The following DIP2A variants were observed in gnomAD, a reference collection of about 807,000 sequenced individuals.
The protein encoded by DIP2A is DIP2 acetate--CoA ligase A.
A neutral mutation model predicts 177.4 loss-of-function variants in DIP2A; 85 were observed. The observed-to-expected ratio is 0.48, with a 90% CI of 0.40 to 0.57. The LOEUF (loss-of-function observed/expected upper bound fraction) is 0.57. Ranked by LOEUF, DIP2A falls within the 20% of genes least tolerant of loss-of-function variation. DIP2A has a pLI of 0.00. For missense variants in DIP2A, 1,791 were observed against 2,100.2 expected (o/e 0.85, Z 2.88); for synonymous variants, 886 against 881.8 (o/e 1.00, Z -0.08).
rs908874304 is a variant in DIP2A at position 46,550,455 on chromosome 21, T to C, written c.2638-88T>C. On this transcript the variant is annotated intron_variant, in intron 22 of 37. Transcript: ENST00000417564. The stretch of plus-strand genomic sequence containing the variant: ...TCCATTTCCTGGCCTGGGGAACAGG[T>C]CCACAGAGGGGATGTTCCTGTCCCC... 7 of 1,288,962 alleles carry C rather than the reference T, an allele frequency of 5.4e-6. No homozygotes were observed. In the African/African-American group the frequency reaches 7.4e-5, roughly 14 times the overall value. The allele number at this position is 1,288,962 out of a possible 1,614,324, so 79.8% of individuals were successfully genotyped here. A position where few individuals can be genotyped will look rare whatever the true frequency, so the allele number is the denominator to read the frequency against.
In DIP2A at chr21:46,556,954, A is replaced by G. The variant is rs765801778; in HGVS notation, c.3514A>G (p.Thr1172Ala). 1.8e-5 allele frequency: 28 copies of G among 1,575,982 alleles called. 1 individual carries two copies. In the South Asian group the frequency reaches 2.4e-4, roughly 14 times the overall value. ...LAGVKMSHAA[T>A]SALCRSIKLQ... is the part of the protein sequence containing the mutation. The stretch of plus-strand genomic sequence containing the variant: ...TACTCTTAAGATGTCGCACGCGGCC[A>G]CAAGCGCCTTATGCCGCTCCATAAA... Residue 1172 changes from threonine to alanine, a missense_variant, in exon 30 of 38, where the codon ACA (threonine) becomes GCA (alanine). Physicochemically the swap from Thr to Ala is moderately conservative, Grantham distance 58 (BLOSUM62 0). Transcript: ENST00000417564. This position sits in a 1 kb window ranked among gnomAD's most constrained non-coding sequence, Gnocchi z 4.5.
intron 21 of DIP2A, among the ~76,000 whole-genome samples, chr21:46,549,103 C>G (rs1404119001): frequency 6.6e-6 from 1 of 152,096 alleles, no homozygotes; most frequent in Non-Finnish European, 1.5e-5. Flanking sequence ...GAACTCAGTA[C>G]TAGGTGAGGT....
chr21:46,547,729 G>C (rs916164681), intron 21 of DIP2A, among the ~76,000 whole-genome samples: 2 of 135,840 alleles, frequency 1.5e-5, no homozygotes, highest in Non-Finnish European at 3.1e-5. Context: ...GAGTGCAGTA[G>C]TGTGACCATA....
Position 46,556,301 on chromosome 21 carries a change from G to A in DIP2A, c.3498+210G>A. 6.6e-7 allele frequency: 1 copy of A among 1,511,454 alleles called. No homozygotes were observed. The highest frequency in any genetic ancestry group is 8.9e-7 in the Non-Finnish European group (1 of 1,120,966). 93.6% of individuals were successfully genotyped at this position (1,511,454 alleles called of 1,614,324 possible). ...GCGTTTTCTGATGCATTATGGTTAT[G>A]TCTAAACTTTCTGATTTATGACTGT... On this transcript the variant is annotated intron_variant, in intron 29 of 37. Transcript: ENST00000417564. This position sits in a 1 kb window ranked among gnomAD's most constrained non-coding sequence, Gnocchi z 4.5.
In DIP2A at chr21:46,566,583, G is replaced by A. The variant is rs200244740; in HGVS notation, c.4363G>A (p.Val1455Ile). 665 of 1,614,008 alleles carry A rather than the reference G, an allele frequency of 4.1e-4. 1 individual carries two copies. Among genetic ancestry groups the A allele is most frequent in the Non-Finnish European group, 4.0e-4 (470 of 1,179,990 alleles). ...SGGRHDALYV[V>I]GSLDETLELR... The stretch of plus-strand genomic sequence containing the variant: ...AGGGCGGCACGATGCACTGTATGTG[G>A]TTGGGTCTCTGGATGAAACTCTGGA... Residue 1455 changes from valine (V) to isoleucine (I), a missense_variant, in exon 37 of 38, where the codon GTT (valine) becomes ATT (isoleucine). Coordinates refer to ENST00000417564, the MANE Select transcript of DIP2A (RefSeq NM_015151.4).
chr21:46,576,586 CAT>C, the DIP2A span, among the ~76,000 whole-genome samples: 14,685 of 152,138 alleles, frequency 0.097, 928 homozygotes, highest in East Asian at 0.34. Context: ...AATGAACATA[CAT>C]GTGCATATAT....
At chr21:46,579,021 C>T in the DIP2A span, among the ~76,000 whole-genome samples, 1 of 152,144 alleles carries the variant, frequency 6.6e-6, no homozygotes, top group Non-Finnish European at 1.5e-5. Flanking sequence ...GGAATAGTTT[C>T]AGAAGAAATG....
Position 46,568,551 on chromosome 21 carries a change from AG to A in DIP2A, c.*930del, listed in dbSNP as rs2060896854. ...ACAAAAAAGAGGTGTGCTGCTTGTCAGCATGTATTGTCACGGACACTCAATA... is the reference window on the plus strand; with the variant it reads ...ACAAAAAAGAGGTGTGCTGCTTGTCACATGTATTGTCACGGACACTCAATA... On this transcript the variant is annotated 3_prime_UTR_variant, in exon 38 of 38. Transcript: ENST00000417564. The A allele has an allele frequency of 6.6e-6, 1 of 152,208 alleles. No individual in the cohort carries two copies. The highest frequency in any genetic ancestry group is 6.5e-5 in the Admixed American group (1 of 15,280). The allele number at this position is 152,208 out of a possible 1,614,324, so 9.4% of individuals were successfully genotyped here. A position where few individuals can be genotyped will look rare whatever the true frequency, so the allele number is the denominator to read the frequency against.
chr21:46,546,025 AC>A (rs1042291618), intron 20 of DIP2A, 64 bp downstream of exon 20: 26 of 1,609,234 alleles, frequency 1.6e-5, no homozygotes, highest in Non-Finnish European at 2.0e-5. Flanking sequence ...GCTAAGGGAC[AC>A]CTCGTTGCAG....
chr21:46,530,434 A>G (rs941635317), intron 9 of DIP2A, among the ~76,000 whole-genome samples: 6 of 152,204 alleles, frequency 3.9e-5, no homozygotes, highest in Non-Finnish European at 7.3e-5. Flanking sequence ...CAAGAAAAGT[A>G]AGGAAGGGAG....
intron 34 of DIP2A, 67 bp downstream of exon 34, chr21:46,561,872 T>G: frequency 6.2e-7 from 1 of 1,601,344 alleles, no homozygotes; most frequent in Non-Finnish European, 8.5e-7. Context: ...CATCACCCCG[T>G]GGAGGGTGCT....
At chr21:46,545,465 C>G (rs936877178) in intron 19 of DIP2A, among the ~76,000 whole-genome samples, 192 bp downstream of exon 19, 6 of 152,196 alleles carry the variant, frequency 3.9e-5, no homozygotes, top group African/African-American at 1.4e-4. Flanking sequence ...AAGGCCAGTA[C>G]CAGGACCAGG....
At position 46,532,600 on chromosome 21, in the gene DIP2A, C is replaced by A. The variant is rs9974803; in HGVS notation, c.1305+363C>A. Among the ~76,000 whole-genome samples, 190 of 152,164 alleles carry A rather than the reference C, an allele frequency of 1.2e-3. 2 individuals are homozygous for A. The highest frequency in any genetic ancestry group is 4.2e-3 in the African/African-American group (175 of 41,500). ...GATTTTGTTCAACTTTTCCTCAAAA[C>A]CATATGTTTATAGAAAATAATTATT... On this transcript the variant is annotated intron_variant, in intron 10 of 37. Coordinates refer to ENST00000417564, the MANE Select transcript of DIP2A (RefSeq NM_015151.4).
At chr21:46,534,993 T>C (rs2148776759) in intron 13 of DIP2A, among the ~76,000 whole-genome samples, 1 of 152,310 alleles carries the variant, frequency 6.6e-6, no homozygotes, top group African/African-American at 2.4e-5. Flanking sequence ...ATCCCACTGA[T>C]TGATTTATAC....
rs1569019959 is a variant in DIP2A at position 46,517,345 on chromosome 21, C to T, written c.1102+5731C>T. Among the ~76,000 whole-genome samples the T allele has an allele frequency of 2.6e-5, 4 of 152,208 alleles. No homozygotes were observed. In the South Asian group the frequency reaches 8.3e-4, roughly 32 times the overall value. ...CTGCCTGCCTCAGCCTCCCAAAGTG[C>T]TGGATTACAGGCGTGAGCCACCATG... On this transcript the variant is annotated intron_variant, in intron 8 of 37. Transcript: ENST00000417564.
At chr21:46,520,361 G>A (rs1482886589) in intron 8 of DIP2A, among the ~76,000 whole-genome samples, 1 of 152,166 alleles carries the variant, frequency 6.6e-6, no homozygotes, top group Non-Finnish European at 1.5e-5. Context: ...AGTCCTATTA[G>A]TTCAGCTCAT....
intron 8 of DIP2A, among the ~76,000 whole-genome samples, chr21:46,519,954 A>G (rs1335106048): frequency 7.4e-6 from 1 of 134,776 alleles, no homozygotes; most frequent in African/African-American, 2.9e-5. Flanking sequence ...GGCTCACTGC[A>G]AGCTCCGCCT....
chr21:46,581,377 A>T, the DIP2A span, among the ~76,000 whole-genome samples: 3 of 152,170 alleles, frequency 2.0e-5, no homozygotes, highest in Non-Finnish European at 4.4e-5. Flanking sequence ...GCTCCTTTGC[A>T]CTGGGTTAGA....
intron 9 of DIP2A, among the ~76,000 whole-genome samples, chr21:46,530,559 C>T (rs973625934): frequency 1.4e-4 from 22 of 151,954 alleles, no homozygotes; most frequent in African/African-American, 4.8e-4. Context: ...AAAAGGATGC[C>T]GGTAGGAAAG....
Sources: gnomAD v4.1 joint callset for allele counts (sites outside exome capture counted in the v4.1 genomes callset) on GRCh38, gnomAD v4.1.1 for gene constraint, Gnocchi (gnomAD v3.1) non-coding constraint, MANE v1.5 for transcripts, NCBI Gene and HGNC (gene_info 2026-07-23, HGNC 2026-07-21) for gene names.